The following ABCA13 variants were observed in gnomAD, a reference collection of about 807,000 sequenced individuals.
ABCA13 encodes the protein ATP binding cassette subfamily A member 13.
In ABCA13, 476 loss-of-function variants were observed where a neutral mutation model predicts 478.7. That is an observed-to-expected ratio of 0.99 (90% CI 0.92 to 1.07). The LOEUF (loss-of-function observed/expected upper bound fraction) is 1.07. Ranked by LOEUF, ABCA13 falls within the 50% of genes least tolerant of loss-of-function variation. The probability of loss-of-function intolerance (pLI) is 0.00; values close to 1 mark genes in which losing one functional copy is unlikely to be tolerated. For synonymous variants in ABCA13, 2,252 were observed against 2,158.9 expected (o/e 1.04, Z -1.20); for missense variants, 6,060 against 5,910.6 (o/e 1.03, Z -0.83).
rs1799528044 is a variant in ABCA13, at chr7:48,297,385, TAAAAC to T, written c.9199+76_9199+80del. On this transcript the variant is annotated intron_variant, in intron 22 of 61. Transcript: ENST00000435803. ...TTCTCATGCAAATATATTATTAAAA[TAAAAC>T]ATACAACAGAAAATTTATGCTATAT... 1.7e-5 allele frequency: 23 copies of T among 1,365,934 alleles called. No homozygotes were observed. In the South Asian group the frequency reaches 2.5e-4, roughly 15 times the overall value. 84.6% of individuals were successfully genotyped at this position (1,365,934 alleles called of 1,614,324 possible). A position where few individuals can be genotyped will look rare whatever the true frequency, so the allele number is the denominator to read the frequency against.
At chr7:48,248,117 G>A (rs115657492) in intron 13 of ABCA13, 122 bp from the exon 14 acceptor site, 4 of 750,078 alleles carry the variant, frequency 5.3e-6, no homozygotes, top group Admixed American at 2.8e-5. Flanking sequence ...CATAGGGCAC[G>A]ATCTTTGATG....
At chr7:48,191,619 G>A (rs1325537035) in intron 1 of ABCA13, among the ~76,000 whole-genome samples, 1 of 152,118 alleles carries the variant, frequency 6.6e-6, no homozygotes, top group Non-Finnish European at 1.5e-5. Context: ...TGTTGGCCAG[G>A]CTGGTCTGGA....
chr7:48,490,496 A>G (rs902230947), intron 48 of ABCA13, among the ~76,000 whole-genome samples: 25 of 152,226 alleles, frequency 1.6e-4, no homozygotes, highest in Non-Finnish European at 1.9e-4. Context: ...TTGCTTTTCT[A>G]CTACATCAAA....
chr7:48,330,699 A>T (rs971363041), intron 27 of ABCA13, among the ~76,000 whole-genome samples: 1 of 151,094 alleles, frequency 6.6e-6, no homozygotes, highest in African/African-American at 2.4e-5. Flanking sequence ...CCATTCATCC[A>T]TCAATCCATT....
intron 28 of ABCA13, among the ~76,000 whole-genome samples, chr7:48,336,656 G>A (rs528233542): frequency 6.6e-6 from 1 of 152,328 alleles, no homozygotes; most frequent in African/African-American, 2.4e-5. Context: ...TGGGAGGCGT[G>A]GCCTCAGGGC....
At chr7:48,296,564 A>C (rs1799402720) in intron 21 of ABCA13, among the ~76,000 whole-genome samples, 1 of 149,784 alleles carries the variant, frequency 6.7e-6, no homozygotes, top group Admixed American at 6.7e-5. Context: ...GGTTCACGCC[A>C]TTCTCCCTCC....
At chr7:48,264,360 CTG>C (rs1434101529) in intron 15 of ABCA13, among the ~76,000 whole-genome samples, 1 of 151,810 alleles carries the variant, frequency 6.6e-6, no homozygotes, top group East Asian at 1.9e-4. Context: ...AATTCACAAA[CTG>C]TTTTTTAAAG....
At chr7:48,355,977 T>C (rs1312466587) in intron 31 of ABCA13, among the ~76,000 whole-genome samples, 1 of 151,712 alleles carries the variant, frequency 6.6e-6, no homozygotes, top group Non-Finnish European at 1.5e-5. Flanking sequence ...GATATTACCA[T>C]GGGAAGGAGT....
At chr7:48,505,545 G>A (rs746457657) in intron 48 of ABCA13, among the ~76,000 whole-genome samples, 1 of 152,172 alleles carries the variant, frequency 6.6e-6, no homozygotes, top group African/African-American at 2.4e-5. Context: ...AATGGAGCAA[G>A]GATTTGTGCC....
At chr7:48,313,758 T>C (rs1031692764) in intron 25 of ABCA13, among the ~76,000 whole-genome samples, 1 of 152,084 alleles carries the variant, frequency 6.6e-6, no homozygotes, top group Non-Finnish European at 1.5e-5. Context: ...AATTTTAGGG[T>C]TGGACGTGTA....
rs1563208980 is a variant in ABCA13, at chr7:48,411,048, TTTTTC to T, written c.12228+375_12228+379del. On this transcript the variant is annotated intron_variant, in intron 40 of 61. Transcript: ENST00000435803. ...CTTTCTTTCTTTCTTTCTTTCTTTC[TTTTTC>T]TTTCTTTCTTTCTTTCTTTTTCTTT... Among the ~76,000 whole-genome samples the T allele has an allele frequency of 2.7e-5, 2 of 72,880 alleles. 1 individual carries two copies. 47.8% of individuals were successfully genotyped at this position (72,880 alleles called of 152,430 possible). A position where few individuals can be genotyped will look rare whatever the true frequency, so the allele number is the denominator to read the frequency against.
intron 25 of ABCA13, 79 bp from the exon 26 acceptor site, chr7:48,314,153 G>A (rs1802195955): frequency 2.1e-6 from 3 of 1,439,224 alleles, no homozygotes; most frequent in African/African-American, 1.4e-5. Flanking sequence ...GTGGAGGAAG[G>A]AACTAGACTT....
intron 56 of ABCA13, 128 bp from the exon 57 acceptor site, chr7:48,587,026 T>A: frequency 1.6e-6 from 2 of 1,233,288 alleles, no homozygotes; most frequent in South Asian, 2.8e-5. Flanking sequence ...TCAGGAGATG[T>A]ACTTGATTGT....
chr7:48,552,593 CTTT>C (rs397800820), intron 55 of ABCA13, among the ~76,000 whole-genome samples: 1 of 134,246 alleles, frequency 7.4e-6, no homozygotes, highest in Non-Finnish European at 1.6e-5. Flanking sequence ...CCTTTGTTGC[CTTT>C]TTTTTTTTTA....
At chr7:48,534,631 A>G (rs1833449459) in intron 55 of ABCA13, among the ~76,000 whole-genome samples, 1 of 152,148 alleles carries the variant, frequency 6.6e-6, no homozygotes, top group Non-Finnish European at 1.5e-5. Context: ...CTTCTTCCTC[A>G]GGAAAACCAA....
rs75414047 is a variant in ABCA13, at chr7:48,328,693, T to A, written c.10000-6729T>A. ...AATCTTAATTAATTTATTAGTGAAA[T>A]AGCACATTAGAACATGAGGAAAAAT... On this transcript the variant is annotated intron_variant, in intron 27 of 61. Transcript: ENST00000435803. Among the ~76,000 whole-genome samples, 77 of 152,004 alleles carry A rather than the reference T, an allele frequency of 5.1e-4. No homozygotes were observed. The East Asian group carries it at 0.014, about 28-fold the overall frequency.
At chr7:48,545,337 GA>G (rs1305100428) in intron 55 of ABCA13, among the ~76,000 whole-genome samples, 1 of 151,446 alleles carries the variant, frequency 6.6e-6, no homozygotes, top group Non-Finnish European at 1.5e-5. Flanking sequence ...GAGGTGAAAA[GA>G]AAAAAATCTC....
At chr7:48,175,414 T>C (rs192611417) in intron 1 of ABCA13, among the ~76,000 whole-genome samples, 14 of 152,248 alleles carry the variant, frequency 9.2e-5, no homozygotes, top group Admixed American at 1.3e-4. Context: ...TTTGAAGCTA[T>C]ATGATATATT....
intron 59 of ABCA13, among the ~76,000 whole-genome samples, chr7:48,625,103 TA>T (rs201065877): frequency 1.3e-5 from 2 of 151,944 alleles, no homozygotes; most frequent in South Asian, 2.1e-4. Flanking sequence ...ATTTTTTTCC[TA>T]AAAAAAATGA....
Sources: allele counts gnomAD v4.1 joint callset (sites outside exome capture counted in the v4.1 genomes callset), GRCh38; gene constraint gnomAD v4.1.1; transcripts MANE v1.5; gene names NCBI Gene and HGNC (gene_info 2026-07-23, HGNC 2026-07-21).